The following CYB5R3 variants were observed in gnomAD, a reference collection of about 807,000 sequenced individuals.
The protein encoded by CYB5R3 is cytochrome b5 reductase 3.
Under a neutral mutation model 36.5 loss-of-function variants are expected in CYB5R3, and 28 were observed. The observed-to-expected ratio is 0.77, with a 90% CI of 0.57 to 1.05. The LOEUF is 1.05. Among genes scored for constraint, CYB5R3 ranks in the 50% least tolerant of loss-of-function variants. CYB5R3 has a pLI of 0.00. For missense variants in CYB5R3, 474 were observed against 408.9 expected (o/e 1.16, Z -1.37); for synonymous variants, 181 against 159.8 (o/e 1.13, Z -1.00).
At chr22:42,646,874 G>A (rs545410557) in intron 1 of CYB5R3, 11 of 985,438 alleles carry the variant, frequency 1.1e-5, no homozygotes, top group African/African-American at 8.7e-5. Context: ...AGGAAAGCCC[G>A]GCAGACTGTA....
Position 42,618,507 on chromosome 22 carries a change from A to T in CYB5R3, c.*1266T>A, listed in dbSNP as rs1172504850. On this transcript the variant is annotated 3_prime_UTR_variant, in exon 9 of 9. Coordinates refer to ENST00000352397, the MANE Select transcript of CYB5R3 (RefSeq NM_000398.7). ...AGCCGAGATCCCGCCACTGCACTCC[A>T]GCCTGGGCGACAGAGCGAGACTCCG... The T allele has an allele frequency of 7.2e-6, 1 of 138,866 alleles. No individual in the cohort carries two copies. The highest frequency in any genetic ancestry group is 2.9e-5 in the African/African-American group (1 of 34,672). The allele number at this position is 138,866 out of a possible 1,614,324, so 8.6% of individuals were successfully genotyped here.
At chr22:42,638,851 C>T (rs985112270) in intron 1 of CYB5R3, among the ~76,000 whole-genome samples, 3 of 145,342 alleles carry the variant, frequency 2.1e-5, no homozygotes, top group East Asian at 2.1e-4. Context: ...TGGCTAACAT[C>T]GTGAAACCCA....
At chr22:42,636,307 C>G (rs981505307) in intron 2 of CYB5R3, among the ~76,000 whole-genome samples, 6 of 152,128 alleles carry the variant, frequency 3.9e-5, no homozygotes, top group African/African-American at 1.4e-4. Flanking sequence ...CCCAGGGAAT[C>G]TGCACAGATG....
At chr22:42,629,023 T>C (rs947925322) in intron 4 of CYB5R3, among the ~76,000 whole-genome samples, 2 of 152,060 alleles carry the variant, frequency 1.3e-5, no homozygotes, top group Non-Finnish European at 2.9e-5. Flanking sequence ...AGGCCAGGAC[T>C]CTAACCTTTA....
In CYB5R3 at chr22:42,627,348, C is replaced by A; in HGVS notation, c.589G>T (p.Asp197Tyr). ...TGGCACACAGTGTGGTCATCAGGGT[C>A]CTTCATGATGGCGCGGATCACCTGC... ...MLQVIRAIMKDPDDHTVCHLL... is the reference protein window; with the variant it reads ...MLQVIRAIMKYPDDHTVCHLL... The change falls in exon 7 of 9, where the codon GAC becomes TAC. Residue 197 changes from aspartate to tyrosine, a missense_variant. Coordinates refer to ENST00000352397, the MANE Select transcript of CYB5R3 (RefSeq NM_000398.7). The A allele has an allele frequency of 6.2e-7, 1 of 1,614,010 alleles. No individual in the cohort carries two copies. The highest frequency in any genetic ancestry group is 8.5e-7 in the Non-Finnish European group (1 of 1,180,010).
intron 1 of CYB5R3, chr22:42,646,632 C>T (rs1444385442): frequency 2.0e-6 from 2 of 985,370 alleles, no homozygotes; most frequent in African/African-American, 3.5e-5. Context: ...AGTCGGGTGA[C>T]TTGCTTACCT....
Position 42,636,737 on chromosome 22 carries a change from G to T in CYB5R3, c.131C>A (p.Pro44Gln). 3 of 1,613,068 alleles carry T rather than the reference G, an allele frequency of 1.9e-6. No homozygotes were observed. Among genetic ancestry groups the T allele is most frequent in the Non-Finnish European group, 1.7e-6 (2 of 1,179,924 alleles). ...CACCTCCCGGTCGATGAGCCGCAGC[G>T]GGTACTTGATGTCCGGGCTCTCGAG... is the stretch of plus-strand genomic sequence containing the variant. ...ITLESPDIKY[P>Q]LRLIDREIIS... is the part of the protein sequence containing the mutation. Residue 44 changes from proline (P) to glutamine (Q), a missense_variant, in exon 2 of 9, where the codon CCG (proline) becomes CAG (glutamine). By Grantham distance (76) the Pro-to-Gln change is moderately conservative. Coordinates refer to ENST00000352397, the MANE Select transcript of CYB5R3 (RefSeq NM_000398.7).
rs766146399 is a variant in CYB5R3, at chr22:42,640,171, G to A, written c.22-3325C>T. ...AGGGGTGGGAGGAACCAGCTCAACCGTGGTGTAGTACCAAAATGCGGCCAA... is the reference window on the plus strand; with the variant it reads ...AGGGGTGGGAGGAACCAGCTCAACCATGGTGTAGTACCAAAATGCGGCCAA... On this transcript the variant is annotated intron_variant, in intron 1 of 8. Coordinates refer to ENST00000352397, the MANE Select transcript of CYB5R3 (RefSeq NM_000398.7). 1.2e-5 allele frequency: 19 copies of A among 1,612,622 alleles called. No homozygotes were observed. In the East Asian group the frequency reaches 1.3e-4, roughly 11 times the overall value.
At chr22:42,640,200 A>G in intron 1 of CYB5R3, 1 of 1,607,806 alleles carries the variant, frequency 6.2e-7, no homozygotes, top group Non-Finnish European at 8.5e-7. Flanking sequence ...CGGCCAATCG[A>G]GGCTTCAAGT....
intron 1 of CYB5R3, 28 bp from the exon 2 acceptor site, chr22:42,636,874 T>C: frequency 1.2e-6 from 2 of 1,608,524 alleles, no homozygotes; most frequent in Non-Finnish European, 1.7e-6. Context: ...GCGGGGTCAG[T>C]GCAGGAGCCT....
Position 42,619,659 on chromosome 22 carries a change from G to C in CYB5R3, c.*114C>G. 9.8e-7 allele frequency: 1 copy of C among 1,023,378 alleles called. No homozygotes were observed. The highest frequency in any genetic ancestry group is 1.4e-6 in the Non-Finnish European group (1 of 702,398). The allele number at this position is 1,023,378 out of a possible 1,614,324, so 63.4% of individuals were successfully genotyped here. A position where few individuals can be genotyped will look rare whatever the true frequency, so the allele number is the denominator to read the frequency against. On this transcript the variant is annotated 3_prime_UTR_variant, in exon 9 of 9. Transcript: ENST00000352397. ...TCAGCCAGGTGATTCACCAGGGCACGGGCAGGCCAGGCTGAACCCGGGGCC... is the reference window on the plus strand; with the variant it reads ...TCAGCCAGGTGATTCACCAGGGCACCGGCAGGCCAGGCTGAACCCGGGGCC...
At chr22:42,627,852 G>T (rs758256626) in intron 5 of CYB5R3, among the ~76,000 whole-genome samples, 164 bp from the exon 6 acceptor site, 31 of 152,188 alleles carry the variant, frequency 2.0e-4, no homozygotes, top group Non-Finnish European at 4.1e-4. Flanking sequence ...GCAGTGGAGA[G>T]GCTGGGAACC....
chr22:42,644,698 C>G, intron 1 of CYB5R3: 2 of 983,460 alleles, frequency 2.0e-6, no homozygotes, highest in Non-Finnish European at 2.4e-6. Flanking sequence ...GGAATAGAGT[C>G]TAGGGAAAAA....
In CYB5R3 at chr22:42,617,891, C is replaced by G. The variant is rs1488314940; in HGVS notation, c.*1882G>C. 1 of 152,302 alleles carries G rather than the reference C, an allele frequency of 6.6e-6. No homozygotes were observed. The highest frequency in any genetic ancestry group is 1.5e-5 in the Non-Finnish European group (1 of 68,126). 9.4% of individuals were successfully genotyped at this position (152,302 alleles called of 1,614,324 possible). A position where few individuals can be genotyped will look rare whatever the true frequency, so the allele number is the denominator to read the frequency against. On this transcript the variant is annotated 3_prime_UTR_variant, in exon 9 of 9. Transcript: ENST00000352397. Reference sequence around the variant, plus strand: ...GCTGGTTCCAACGGCAGGGCCTTTGCGTCTGCTGTTTCCACCATTTGAACA... The same window carrying G: ...GCTGGTTCCAACGGCAGGGCCTTTGGGTCTGCTGTTTCCACCATTTGAACA...
chr22:42,631,638 T>C, intron 2 of CYB5R3, 188 bp from the exon 3 acceptor site: 1 of 639,794 alleles, frequency 1.6e-6, no homozygotes, highest in Non-Finnish European at 2.8e-6. Flanking sequence ...GCGTGTGAGG[T>C]GCTGAGGCCA....
At chr22:42,631,106 T>A in intron 3 of CYB5R3, 118 bp from the exon 4 acceptor site, 1 of 981,654 alleles carries the variant, frequency 1.0e-6, no homozygotes, top group Non-Finnish European at 1.6e-6. Flanking sequence ...TGGCGTCAGC[T>A]CCCACGGCCC....
At chr22:42,627,444 A>G in intron 6 of CYB5R3, 55 bp from the exon 7 acceptor site, 1 of 1,565,626 alleles carries the variant, frequency 6.4e-7, no homozygotes, top group Non-Finnish European at 8.8e-7. Flanking sequence ...GTTCACAGGC[A>G]CCGCCCCGCC....
intron 8 of CYB5R3, among the ~76,000 whole-genome samples, chr22:42,622,139 C>A (rs562807660): frequency 2.2e-4 from 34 of 152,274 alleles, no homozygotes; most frequent in Non-Finnish European, 4.0e-4. Context: ...CCAGGATGGT[C>A]TCGATCTCTT....
chr22:42,628,341 C>G (rs1928416379), intron 4 of CYB5R3, 60 bp from the exon 5 acceptor site: 53 of 1,605,556 alleles, frequency 3.3e-5, no homozygotes, highest in Non-Finnish European at 4.4e-5. Context: ...CGAGCTCTTG[C>G]CCACAGTGGG....
Sources: gnomAD v4.1 joint callset for allele counts (sites outside exome capture counted in the v4.1 genomes callset) on GRCh38, gnomAD v4.1.1 for gene constraint, MANE v1.5 for transcripts, NCBI Gene and HGNC (gene_info 2026-07-23, HGNC 2026-07-21) for gene names.